FAM53A: variants seen among roughly 807,000 people sequenced by gnomAD.
FAM53A encodes the protein protein FAM53A.
In FAM53A, 28 loss-of-function variants were observed where a neutral mutation model predicts 26.6. The ratio of observed to expected loss-of-function variants is 1.05; its 90% CI spans 0.78 to 1.45. FAM53A has a LOEUF of 1.45. FAM53A is among the 40% of genes most tolerant of loss of function. The pLI is 0.00. For synonymous variants in FAM53A, 290 were observed against 253.1 expected (o/e 1.15, Z -1.38); for missense variants, 650 against 575.8 (o/e 1.13, Z -1.32).
intron 2 of FAM53A, among the ~76,000 whole-genome samples, chr4:1,661,282 T>C (rs923790366): frequency 2.0e-5 from 3 of 152,268 alleles, no homozygotes; most frequent in African/African-American, 4.8e-5. Flanking sequence ...GATGTCCATA[T>C]GGCTCATCAC....
At chr4:1,655,744 A>C in intron 3 of FAM53A, 21 bp from the exon 4 acceptor site, 1 of 1,521,738 alleles carries the variant, frequency 6.6e-7, no homozygotes, top group Non-Finnish European at 8.8e-7. Flanking sequence ...AGACACAAAG[A>C]GGCAGGGGAA....
intron 1 of FAM53A, among the ~76,000 whole-genome samples, chr4:1,618,765 C>T (rs1323015766): frequency 1.3e-5 from 2 of 152,174 alleles, no homozygotes; most frequent in African/African-American, 2.4e-5. Flanking sequence ...GCCATGCGGG[C>T]CTGTGTGCAA....
chr4:1,644,039 C>A (rs1384268704), intron 4 of FAM53A: 15 of 1,033,858 alleles, frequency 1.5e-5, no homozygotes, highest in Middle Eastern at 2.8e-4. Flanking sequence ...TGCTGGATGG[C>A]GTGGAGGTCC....
chr4:1,628,904 C>T (rs1715483159), intron 1 of FAM53A, among the ~76,000 whole-genome samples: 1 of 151,786 alleles, frequency 6.6e-6, no homozygotes, highest in Non-Finnish European at 1.5e-5. Flanking sequence ...GGGTCCCCTA[C>T]TCCGTAGCCC....
At chr4:1,672,758 CCTT>C (rs1714768334) in intron 1 of FAM53A, among the ~76,000 whole-genome samples, 1 of 107,688 alleles carries the variant, frequency 9.3e-6, no homozygotes, top group Middle Eastern at 5.3e-3. Flanking sequence ...ACCTGAATTT[CCTT>C]TTTTTTTTTT....
chr4:1,594,248 T>C, the FAM53A span, among the ~76,000 whole-genome samples: 1 of 152,278 alleles, frequency 6.6e-6, no homozygotes, highest in East Asian at 1.9e-4. Flanking sequence ...ATAAACCGAT[T>C]CACAGGTCAC....
chr4:1,682,330 T>C (rs537127336), intron 1 of FAM53A, among the ~76,000 whole-genome samples: 2 of 150,704 alleles, frequency 1.3e-5, no homozygotes, highest in East Asian at 1.9e-4. Context: ...TGGCGCCATC[T>C]TGGCTCACTG....
the FAM53A span, among the ~76,000 whole-genome samples, chr4:1,610,825 C>T: frequency 3.9e-5 from 6 of 152,134 alleles, no homozygotes; most frequent in East Asian, 1.9e-4. Flanking sequence ...CCAGGCTCTG[C>T]GGCCACACTC....
At chr4:1,595,761 C>G in the FAM53A span, among the ~76,000 whole-genome samples, 1 of 152,252 alleles carries the variant, frequency 6.6e-6, no homozygotes. Flanking sequence ...AGAATTGCAA[C>G]TCAGTCCAGG....
At chr4:1,623,545 C>T (rs998712194) in intron 1 of FAM53A, among the ~76,000 whole-genome samples, 3 of 152,228 alleles carry the variant, frequency 2.0e-5, no homozygotes, top group African/African-American at 4.8e-5. Flanking sequence ...CCGCCTTCCC[C>T]GGCGGCCTGG....
the FAM53A span, among the ~76,000 whole-genome samples, chr4:1,608,642 C>CGA: frequency 6.6e-6 from 1 of 152,074 alleles, no homozygotes; most frequent in African/African-American, 2.4e-5. Context: ...CCTGCAGCCG[C>CGA]TACACACACA....
chr4:1,649,163 A>AAGGGAAG (rs1712514433), intron 4 of FAM53A, among the ~76,000 whole-genome samples: 1 of 119,966 alleles, frequency 8.3e-6, no homozygotes, highest in Non-Finnish European at 1.7e-5. Flanking sequence ...GGGAAAGGGA[A>AAGGGAAG]GGGGAAAGGG....
At chr4:1,673,372 T>C (rs556893054) in intron 1 of FAM53A, among the ~76,000 whole-genome samples, 4 of 152,364 alleles carry the variant, frequency 2.6e-5, no homozygotes, top group African/African-American at 9.6e-5. Flanking sequence ...CTGGAGGGTC[T>C]GCACGCCCTC....
At chr4:1,597,338 G>A in the FAM53A span, among the ~76,000 whole-genome samples, 1 of 152,026 alleles carries the variant, frequency 6.6e-6, no homozygotes. Flanking sequence ...GCCCGACACA[G>A]CTTGAGGTGA....
chr4:1,678,416 C>A (rs1715186760), intron 1 of FAM53A, among the ~76,000 whole-genome samples: 1 of 152,078 alleles, frequency 6.6e-6, no homozygotes, highest in African/African-American at 2.4e-5. Flanking sequence ...ACAGAGAGCC[C>A]AGATATAGAA....
chr4:1,626,300 G>A (rs1370876234), intron 1 of FAM53A, among the ~76,000 whole-genome samples: 1 of 152,208 alleles, frequency 6.6e-6, no homozygotes, highest in Non-Finnish European at 1.5e-5. Context: ...TGGCCGTCAC[G>A]AGCCGTCCAC....
At chr4:1,679,786 C>A (rs570647883) in intron 1 of FAM53A, among the ~76,000 whole-genome samples, 70 of 150,002 alleles carry the variant, frequency 4.7e-4, no homozygotes, top group African/African-American at 1.6e-3. Context: ...TGGTGGCTCA[C>A]GCCTATAATC....
chr4:1,676,956 G>A (rs1192902722), intron 1 of FAM53A, among the ~76,000 whole-genome samples: 2 of 152,128 alleles, frequency 1.3e-5, no homozygotes, highest in African/African-American at 4.8e-5. Context: ...AATCTCCCCA[G>A]CAGATTTATA....
chr4:1,662,479 C>CA (rs59768929), intron 2 of FAM53A, among the ~76,000 whole-genome samples: 2,140 of 67,700 alleles, frequency 0.032, 6 homozygotes, highest in East Asian at 0.065. Flanking sequence ...GATTCCATCA[C>CA]AAAAAAAAAA....
Sources: allele counts gnomAD v4.1 joint callset (sites outside exome capture counted in the v4.1 genomes callset), GRCh38; gene constraint gnomAD v4.1.1; transcripts MANE v1.5; gene names NCBI Gene and HGNC (gene_info 2026-07-23, HGNC 2026-07-21).